The following PPP1R12B variants were observed in gnomAD, a reference collection of about 807,000 sequenced individuals.
PPP1R12B encodes the protein protein phosphatase 1 regulatory subunit 12B, also known as myosin phosphatase target subunit 2.
Under a neutral mutation model 126.1 loss-of-function variants are expected in PPP1R12B, and 76 were observed. The observed-to-expected ratio is 0.60, with a 90% confidence interval of 0.50 to 0.73. The LOEUF is 0.73. Among genes scored for constraint, PPP1R12B ranks in the 30% least tolerant of loss-of-function variants. The pLI is 0.00. For missense variants in PPP1R12B, 1,052 were observed against 1,205.1 expected, an observed-to-expected ratio of 0.87 and a Z score of 1.88; for synonymous variants, 356 against 434.7, an observed-to-expected ratio of 0.82 and a Z score of 2.25.
intron 1 of PPP1R12B, among the ~76,000 whole-genome samples, chr1:202,393,796 C>T (rs1664500081): frequency 1.3e-5 from 2 of 152,154 alleles, no homozygotes; most frequent in Non-Finnish European, 2.9e-5. Flanking sequence ...CATGATGGCT[C>T]ACTCCTGTAA....
intron 23 of PPP1R12B, chr1:202,575,020 CAG>C: frequency 6.2e-7 from 1 of 1,612,624 alleles, no homozygotes; most frequent in Non-Finnish European, 8.5e-7. Context: ...CCAGCTAAAA[CAG>C]ATTCAAACCT....
intron 1 of PPP1R12B, among the ~76,000 whole-genome samples, chr1:202,401,747 G>A (rs1665876117): frequency 6.6e-6 from 1 of 152,196 alleles, no homozygotes; most frequent in African/African-American, 2.4e-5. Flanking sequence ...AGGATGGGCT[G>A]TGACATTAAA....
chr1:202,416,710 G>A (rs1668117851), intron 1 of PPP1R12B, 77 bp from the exon 2 acceptor site: 1 of 1,301,128 alleles, frequency 7.7e-7, no homozygotes, highest in East Asian at 2.3e-5. Context: ...GGCATTGTCA[G>A]TGCCCAGAGC....
chr1:202,402,702 A>G (rs1666022513), intron 1 of PPP1R12B, among the ~76,000 whole-genome samples: 1 of 152,214 alleles, frequency 6.6e-6, no homozygotes, highest in Non-Finnish European at 1.5e-5. Context: ...GGTCAGAGCA[A>G]TGTAGAAAAA....
intron 10 of PPP1R12B, chr1:202,438,574 C>T (rs909849117): frequency 3.5e-5 from 16 of 459,292 alleles, no homozygotes; most frequent in African/African-American, 3.2e-4. Flanking sequence ...GGCTGAACAG[C>T]CTGGGACATT....
At chr1:202,394,633 A>T (rs1664663384) in intron 1 of PPP1R12B, among the ~76,000 whole-genome samples, 1 of 152,066 alleles carries the variant, frequency 6.6e-6, no homozygotes, top group African/African-American at 2.4e-5. Context: ...GCATGCCTGT[A>T]ATCCTAGCTG....
intron 1 of PPP1R12B, among the ~76,000 whole-genome samples, chr1:202,364,586 A>T (rs1351324305): frequency 3.3e-5 from 5 of 150,366 alleles, no homozygotes; most frequent in African/African-American, 4.9e-5. Flanking sequence ...TTATTTATTT[A>T]TTTTTTTTGA....
At chr1:202,441,168 T>C (rs1391617590) in intron 11 of PPP1R12B, among the ~76,000 whole-genome samples, 2 of 152,178 alleles carry the variant, frequency 1.3e-5, no homozygotes, top group African/African-American at 4.8e-5. Flanking sequence ...TTTAATTAAA[T>C]TGACCAACTT....
intron 9 of PPP1R12B, among the ~76,000 whole-genome samples, chr1:202,436,047 C>G (rs542144355): frequency 5.8e-4 from 89 of 152,162 alleles, no homozygotes; most frequent in African/African-American, 2.0e-3. Flanking sequence ...ATCACTTGAG[C>G]CCAGGAGTTT....
chr1:202,352,196 A>G (rs1166855420), intron 1 of PPP1R12B, among the ~76,000 whole-genome samples: 1 of 152,214 alleles, frequency 6.6e-6, no homozygotes, highest in African/African-American at 2.4e-5. Flanking sequence ...ATTTGCGTAT[A>G]CACATTGTAA....
chr1:202,356,106 A>G (rs991002559), intron 1 of PPP1R12B, among the ~76,000 whole-genome samples: 9 of 152,168 alleles, frequency 5.9e-5, no homozygotes, highest in Admixed American at 4.6e-4. Context: ...ACTTGAGCCC[A>G]GGAGGTTGAA....
At chr1:202,364,985 T>A (rs1658933327) in intron 1 of PPP1R12B, among the ~76,000 whole-genome samples, 1 of 152,240 alleles carries the variant, frequency 6.6e-6, no homozygotes, top group Non-Finnish European at 1.5e-5. Flanking sequence ...GTGCTGGGAT[T>A]GCAGGCATGA....
At position 202,565,650 on chromosome 1, in the gene PPP1R12B, G is replaced by A. The variant is rs968755915; in HGVS notation, c.2757+1103G>A. Among the ~76,000 whole-genome samples the A allele has an allele frequency of 4.6e-5, 7 of 152,168 alleles. No homozygotes were observed. The highest frequency in any genetic ancestry group is 1.7e-4 in the African/African-American group (7 of 41,430). On this transcript the variant is annotated intron_variant, in intron 21 of 23. Coordinates refer to ENST00000608999, the MANE Select transcript of PPP1R12B (RefSeq NM_002481.4). This position sits in a 1 kb window ranked among gnomAD's most constrained non-coding sequence, Gnocchi z 4.3. Reference sequence around the variant, plus strand: ...AGAAGGGCTTACCCAGGTGTAAAATGTGAACTGCCTGTCAGTTTAGAAGAG... The same window carrying A: ...AGAAGGGCTTACCCAGGTGTAAAATATGAACTGCCTGTCAGTTTAGAAGAG...
intron 22 of PPP1R12B, 32 bp from the exon 23 acceptor site, chr1:202,569,115 T>C (rs953285001): frequency 2.5e-6 from 4 of 1,607,108 alleles, no homozygotes; most frequent in Non-Finnish European, 2.6e-6. Flanking sequence ...CTGAATTCAA[T>C]AATGTTCAAC....
At chr1:202,506,569 C>G (rs1236960012) in intron 18 of PPP1R12B, among the ~76,000 whole-genome samples, 1 of 152,172 alleles carries the variant, frequency 6.6e-6, no homozygotes, top group Non-Finnish European at 1.5e-5. Context: ...TGCATCTCAT[C>G]CAAAGATGTG....
intron 21 of PPP1R12B, 59 bp from the exon 22 acceptor site, chr1:202,567,719 G>T: frequency 6.4e-7 from 1 of 1,557,416 alleles, no homozygotes; most frequent in Non-Finnish European, 8.9e-7. Context: ...ACTAGACTGG[G>T]CGTTCTACTG....
At chr1:202,434,617 T>C (rs1370034945) in intron 8 of PPP1R12B, 39 bp from the exon 9 acceptor site, 8 of 1,581,160 alleles carry the variant, frequency 5.1e-6, no homozygotes, top group Non-Finnish European at 5.1e-6. Context: ...ATAAGATTTT[T>C]ATACTAGTAC....
chr1:202,464,173 A>T (rs182663013), intron 13 of PPP1R12B, among the ~76,000 whole-genome samples: 2 of 152,256 alleles, frequency 1.3e-5, no homozygotes, highest in Non-Finnish European at 2.9e-5. Context: ...ACACTGTCTT[A>T]GGATTGGTTT....
intron 1 of PPP1R12B, among the ~76,000 whole-genome samples, chr1:202,353,153 ATG>A (rs1375120174): frequency 1.3e-5 from 2 of 152,206 alleles, no homozygotes; most frequent in African/African-American, 4.8e-5. Context: ...AGTAAGATGA[ATG>A]TGTGTTCAGT....
Sources: allele counts gnomAD v4.1 joint callset (sites outside exome capture counted in the v4.1 genomes callset), GRCh38; gene constraint gnomAD v4.1.1; non-coding constraint Gnocchi (gnomAD v3.1); transcripts MANE v1.5; gene names NCBI Gene and HGNC (gene_info 2026-07-23, HGNC 2026-07-21).